Variants in TMEM156 observed in about 807,000 individuals in gnomAD.
TMEM156 encodes transmembrane protein 156.
A neutral mutation model predicts 30.5 loss-of-function variants in TMEM156; 28 were observed. The ratio of observed to expected loss-of-function variants is 0.92; its 90% CI spans 0.68 to 1.26. TMEM156 has a LOEUF of 1.26. Among genes scored for constraint, TMEM156 ranks in the 50% most tolerant of loss-of-function variants. The pLI, the probability that TMEM156 is intolerant of heterozygous loss-of-function variation, is 0.00. For synonymous variants in TMEM156, 137 were observed against 119.9 expected, an observed-to-expected ratio of 1.14 and a Z score of -0.93; for missense variants, 351 against 340.6, an observed-to-expected ratio of 1.03 and a Z score of -0.24.
intron 1 of TMEM156, among the ~76,000 whole-genome samples, chr4:39,001,101 T>A (rs1713313589): frequency 6.6e-6 from 1 of 151,464 alleles, no homozygotes; most frequent in South Asian, 2.1e-4. Context: ...TAGTCTTTTG[T>A]TAGCATAAGA....
At chr4:39,030,384 A>T (rs1715444100) in intron 1 of TMEM156, among the ~76,000 whole-genome samples, 1 of 152,146 alleles carries the variant, frequency 6.6e-6, no homozygotes, top group Admixed American at 6.5e-5. Flanking sequence ...AGAAGAACTG[A>T]CACATTACTA....
intron 3 of TMEM156, among the ~76,000 whole-genome samples, chr4:38,990,700 T>C (rs1372224020): frequency 6.6e-6 from 1 of 152,014 alleles, no homozygotes; most frequent in East Asian, 1.9e-4. Flanking sequence ...ACAGTTTAAA[T>C]TATTATCTCA....
At chr4:39,030,747 C>CTAGA (rs1715461347) in intron 1 of TMEM156, among the ~76,000 whole-genome samples, 1 of 119,348 alleles carries the variant, frequency 8.4e-6, no homozygotes, top group African/African-American at 3.0e-5. Context: ...AGCTAGCTAG[C>CTAGA]TAGATAGATA....
At chr4:39,010,722 G>A (rs1714054804) in intron 1 of TMEM156, among the ~76,000 whole-genome samples, 1 of 152,076 alleles carries the variant, frequency 6.6e-6, no homozygotes, top group Non-Finnish European at 1.5e-5. Flanking sequence ...CATAGGCAAA[G>A]AATGAAACTG....
intron 1 of TMEM156, among the ~76,000 whole-genome samples, chr4:39,008,279 G>A (rs941659076): frequency 6.6e-6 from 1 of 152,014 alleles, no homozygotes; most frequent in African/African-American, 2.4e-5. Context: ...AGCAATTTAA[G>A]CAAATTCTCT....
intron 1 of TMEM156, among the ~76,000 whole-genome samples, chr4:39,029,239 T>A (rs1219759756): frequency 1.3e-5 from 2 of 151,984 alleles, no homozygotes; most frequent in East Asian, 1.9e-4. Context: ...AATTATTTTA[T>A]AATATTTATC....
At chr4:38,994,458 A>T (rs1473838392) in intron 2 of TMEM156, among the ~76,000 whole-genome samples, 2 of 152,166 alleles carry the variant, frequency 1.3e-5, no homozygotes, top group African/African-American at 4.8e-5. Context: ...TATATTTTTT[A>T]AGATCATGAA....
chr4:38,985,647 C>T (rs552561994), intron 5 of TMEM156, among the ~76,000 whole-genome samples: 2 of 152,290 alleles, frequency 1.3e-5, no homozygotes, highest in East Asian at 3.9e-4. Context: ...TGGCTGTGTA[C>T]AAGGAGCTTT....
chr4:38,971,711 TA>T (rs1722602261), intron 5 of TMEM156, among the ~76,000 whole-genome samples: 4 of 152,240 alleles, frequency 2.6e-5, no homozygotes, highest in African/African-American at 9.6e-5. Context: ...CTAGCTTTTA[TA>T]TTGAGAATTG....
rs1321937452 is a variant in TMEM156, at chr4:38,988,990, T to G, written c.620-20A>C. 10 of 1,603,480 alleles carry G rather than the reference T, an allele frequency of 6.2e-6. No homozygotes were observed. Among genetic ancestry groups the G allele is most frequent in the Non-Finnish European group, 8.5e-6 (10 of 1,174,718 alleles). On this transcript the variant is annotated intron_variant, in intron 3 of 6. Coordinates refer to ENST00000381938, the MANE Select transcript of TMEM156 (RefSeq NM_024943.3). Reference sequence around the variant, plus strand: ...TGATATCTGTAAAGAAAACAAATACTGTAAAAACCCAGTAAAATTATTCAA... The same window carrying G: ...TGATATCTGTAAAGAAAACAAATACGGTAAAAACCCAGTAAAATTATTCAA...
intron 5 of TMEM156, among the ~76,000 whole-genome samples, chr4:38,974,938 C>T (rs767623730): frequency 6.6e-6 from 1 of 151,918 alleles, no homozygotes; most frequent in Non-Finnish European, 1.5e-5. Context: ...CTCCCAAAGT[C>T]CTGGGATTGC....
At chr4:38,988,808 G>C (rs200248798) in intron 4 of TMEM156, 43 bp downstream of exon 4, 1 of 1,611,226 alleles carries the variant, frequency 6.2e-7, no homozygotes, top group East Asian at 2.2e-5. Flanking sequence ...GAAATCCATA[G>C]AAGAGATCAG....
At chr4:38,978,296 G>A (rs1722981036) in intron 5 of TMEM156, among the ~76,000 whole-genome samples, 1 of 152,118 alleles carries the variant, frequency 6.6e-6, no homozygotes, top group Admixed American at 6.6e-5. Context: ...AGTAAATAGG[G>A]TTAGGAGATC....
intron 1 of TMEM156, among the ~76,000 whole-genome samples, chr4:39,020,456 A>G (rs1397639627): frequency 1.3e-5 from 2 of 152,150 alleles, no homozygotes; most frequent in Admixed American, 1.3e-4. Flanking sequence ...GGCTGCTCTC[A>G]AACTCCTGGC....
intron 1 of TMEM156, among the ~76,000 whole-genome samples, chr4:39,017,095 A>T (rs1245362418): frequency 1.3e-5 from 2 of 151,904 alleles, no homozygotes; most frequent in Non-Finnish European, 2.9e-5. Flanking sequence ...CCCACCCTTG[A>T]CAAGTGGGAA....
At chr4:39,023,675 C>CT (rs1715014309) in intron 1 of TMEM156, among the ~76,000 whole-genome samples, 1 of 151,918 alleles carries the variant, frequency 6.6e-6, no homozygotes, top group Admixed American at 6.6e-5. Flanking sequence ...AAACCCATCT[C>CT]TACTAAAAAT....
At chr4:38,996,220 C>T (rs1333476650) in intron 2 of TMEM156, among the ~76,000 whole-genome samples, 3 of 148,184 alleles carry the variant, frequency 2.0e-5, no homozygotes, top group African/African-American at 7.5e-5. Context: ...GTCAAAACTA[C>T]AATCAGAAAC....
chr4:38,976,713 T>A (rs1722871696), intron 5 of TMEM156, among the ~76,000 whole-genome samples: 1 of 152,190 alleles, frequency 6.6e-6, no homozygotes, highest in Admixed American at 6.6e-5. Flanking sequence ...GAGGTAGTTA[T>A]TTAAAATGCA....
intron 1 of TMEM156, among the ~76,000 whole-genome samples, chr4:39,031,090 CAATA>C (rs1715478234): frequency 6.6e-6 from 1 of 152,184 alleles, no homozygotes. Context: ...ATATATGCAA[CAATA>C]AATATTCATT....
Sources: allele counts gnomAD v4.1 joint callset (sites outside exome capture counted in the v4.1 genomes callset), GRCh38; gene constraint gnomAD v4.1.1; transcripts MANE v1.5; gene names NCBI Gene and HGNC (gene_info 2026-07-23, HGNC 2026-07-21).